The following ASTN2 variants were observed in gnomAD, a reference collection of about 807,000 sequenced individuals.
ASTN2 encodes the protein astrotactin-2.
In ASTN2, 54 loss-of-function variants were observed where a neutral mutation model predicts 139.8. The observed-to-expected ratio is 0.39, with a 90% CI of 0.31 to 0.48. The LOEUF is 0.48. ASTN2 is among the 20% of genes least tolerant of loss of function. ASTN2 has a pLI of 0.95. For missense variants in ASTN2, 1,565 were observed against 1,725.1 expected, an observed-to-expected ratio of 0.91 and a Z score of 1.64; for synonymous variants, 756 against 719.5, an observed-to-expected ratio of 1.05 and a Z score of -0.81.
At chr9:116,725,100 C>A (rs979718372) in intron 16 of ASTN2, among the ~76,000 whole-genome samples, 8 of 152,084 alleles carry the variant, frequency 5.3e-5, no homozygotes, top group African/African-American at 1.9e-4. Flanking sequence ...GAGAAGCAGA[C>A]AAGAATAGCT....
At chr9:116,509,005 T>A (rs114723029) in intron 19 of ASTN2, among the ~76,000 whole-genome samples, 1,914 of 152,114 alleles carry the variant, frequency 0.013, 34 homozygotes, top group African/African-American at 0.043. Flanking sequence ...CTGAATTTTT[T>A]TATATATATA....
At chr9:116,450,849 A>G (rs1848152758) in intron 20 of ASTN2, among the ~76,000 whole-genome samples, 1 of 152,156 alleles carries the variant, frequency 6.6e-6, no homozygotes, top group Non-Finnish European at 1.5e-5. Flanking sequence ...GCCAACATAA[A>G]TATTTAATTC....
At chr9:116,440,920 A>G in intron 21 of ASTN2, 128 bp from the exon 22 acceptor site, 1 of 879,402 alleles carries the variant, frequency 1.1e-6, no homozygotes, top group Non-Finnish European at 1.7e-6. Context: ...GAGCAGACAA[A>G]CCTTAATTTC....
At chr9:117,297,866 T>G (rs1010226795) in intron 1 of ASTN2, among the ~76,000 whole-genome samples, 5 of 152,160 alleles carry the variant, frequency 3.3e-5, no homozygotes, top group African/African-American at 1.2e-4. Flanking sequence ...ACCCACCAAT[T>G]TTTTGCAGGT....
chr9:116,697,080 C>A lies in ASTN2; in HGVS notation c.2806+28691G>T, dbSNP rs186206606. Among the ~76,000 whole-genome samples the A allele has an allele frequency of 6.6e-4, 101 of 152,182 alleles. No individual in the cohort carries two copies. In the East Asian group the frequency reaches 0.018, roughly 27 times the overall value. ...GAAACTGCTTTTGGGAAGCCTTCCC[C>A]AAGTCTGTTAGGTAGAATCCATCAT... On this transcript the variant is annotated intron_variant, in intron 16 of 22. Transcript: ENST00000313400.
At chr9:116,686,766 T>A (rs1860239887) in intron 16 of ASTN2, 1 of 1,550,630 alleles carries the variant, frequency 6.4e-7, no homozygotes, top group Non-Finnish European at 8.7e-7. Context: ...GCCTCCCAGC[T>A]GAGTAGGCAA....
intron 4 of ASTN2, among the ~76,000 whole-genome samples, chr9:117,106,857 A>C (rs1410642129): frequency 6.6e-6 from 1 of 152,154 alleles, no homozygotes; most frequent in Non-Finnish European, 1.5e-5. Flanking sequence ...ATTGGGGTTA[A>C]ATTATATACC....
At chr9:116,634,527 T>G (rs1856967550) in intron 17 of ASTN2, among the ~76,000 whole-genome samples, 1 of 145,902 alleles carries the variant, frequency 6.9e-6, no homozygotes, top group South Asian at 2.1e-4. Context: ...GAGGCGGAGC[T>G]TGCAGTGAGC....
At chr9:117,231,728 G>C (rs1260779391) in intron 2 of ASTN2, among the ~76,000 whole-genome samples, 1 of 152,136 alleles carries the variant, frequency 6.6e-6, no homozygotes, top group Non-Finnish European at 1.5e-5. Flanking sequence ...ATGGAAAGGA[G>C]GGGAGAGTGT....
At chr9:117,242,412 G>A (rs1833243596) in intron 2 of ASTN2, among the ~76,000 whole-genome samples, 1 of 152,174 alleles carries the variant, frequency 6.6e-6, no homozygotes, top group African/African-American at 2.4e-5. Context: ...ACTTAATAGA[G>A]GAAAGTCGGG....
intron 16 of ASTN2, among the ~76,000 whole-genome samples, chr9:116,689,820 T>C (rs368380803): frequency 1.3e-4 from 20 of 152,086 alleles, no homozygotes; most frequent in African/African-American, 4.6e-4. Context: ...AGCCTGAGGT[T>C]ATCAGGCAGG....
chr9:117,166,966 A>T (rs926188559), intron 3 of ASTN2, among the ~76,000 whole-genome samples: 1 of 152,164 alleles, frequency 6.6e-6, no homozygotes, highest in African/African-American at 2.4e-5. Flanking sequence ...TATGAAAATA[A>T]AAGGACATAT....
intron 2 of ASTN2, among the ~76,000 whole-genome samples, chr9:117,223,125 A>G (rs937680844): frequency 6.6e-6 from 1 of 152,216 alleles, no homozygotes; most frequent in African/African-American, 2.4e-5. Context: ...TGGCAAAATC[A>G]GCTGTATACC....
chr9:117,108,320 C>A (rs1178056644), intron 4 of ASTN2, among the ~76,000 whole-genome samples: 1 of 152,056 alleles, frequency 6.6e-6, no homozygotes, highest in African/African-American at 2.4e-5. Context: ...TTCAGGGTGA[C>A]ATCAGACTGT....
chr9:116,958,218 G>C lies in ASTN2; in HGVS notation c.1889+16990C>G, dbSNP rs1835772644. 2.6e-5 allele frequency among the ~76,000 whole-genome samples: 4 copies of C among 152,168 alleles called. No homozygotes were observed. In the South Asian group the frequency reaches 8.3e-4, roughly 32 times the overall value. On this transcript the variant is annotated intron_variant, in intron 10 of 22. Transcript: ENST00000313400. ...ACTCTTCAAATTTTCTACTAGAATT[G>C]AGCATGCCTCTGTAATTTTTAAGAG...
intron 10 of ASTN2, among the ~76,000 whole-genome samples, chr9:116,959,729 T>C (rs1835824443): frequency 6.6e-6 from 1 of 151,864 alleles, no homozygotes. Flanking sequence ...GGAGAGCAGG[T>C]CAAAAGATGA....
Position 117,096,093 on chromosome 9 carries a change from A to G in ASTN2, c.1227T>C (p.Thr409=). The part of the protein sequence containing the change: ...GTSGSEADDE[T]QLTFYTEQYR... ...ACTGCTCCGTGTAGAATGTCAGCTG[A>G]GTTTCATCGTCTGCCTCTGAGCCCG... The change falls in exon 5 of 23, where the codon ACT becomes ACC. Residue 409 remains threonine (T), a synonymous_variant. Transcript: ENST00000313400. The G allele has an allele frequency of 6.2e-7, 1 of 1,613,986 alleles. No individual in the cohort carries two copies.
chr9:116,473,895 C>CT (rs1159680330), intron 20 of ASTN2, among the ~76,000 whole-genome samples: 1 of 150,034 alleles, frequency 6.7e-6, no homozygotes, highest in African/African-American at 2.5e-5. Context: ...GAGCAAGACT[C>CT]TATCTCAAAA....
intron 3 of ASTN2, among the ~76,000 whole-genome samples, chr9:117,209,613 C>A (rs1284092544): frequency 1.3e-5 from 2 of 151,878 alleles, no homozygotes; most frequent in Non-Finnish European, 2.9e-5. Context: ...AATTGGGGAC[C>A]TCAACATTTT....
Sources: allele counts gnomAD v4.1 joint callset (sites outside exome capture counted in the v4.1 genomes callset), GRCh38; gene constraint gnomAD v4.1.1; transcripts MANE v1.5; gene names NCBI Gene and HGNC (gene_info 2026-07-23, HGNC 2026-07-21).